Variants in SHLD3 observed in about 807,000 individuals in gnomAD.
The protein encoded by SHLD3 is shieldin complex subunit 3, also known as REV7-interacting novel NHEJ regulator 1.
A neutral mutation model predicts 21.4 loss-of-function variants in SHLD3; 15 were observed. The ratio of observed to expected loss-of-function variants is 0.70; its 90% CI spans 0.47 to 1.08. SHLD3 has a LOEUF of 1.08. Ranked by LOEUF, SHLD3 falls within the 50% of genes least tolerant of loss-of-function variation. The pLI, the probability that SHLD3 is intolerant of heterozygous loss-of-function variation, is 0.00. For missense variants in SHLD3, 273 were observed against 286.1 expected (o/e 0.95, Z 0.33); for synonymous variants, 103 against 97.2 (o/e 1.06, Z -0.35).
chr5:65,626,105 TAGACTAAAATGG>T (rs1755215082), intron 1 of SHLD3: 1 of 152,176 alleles, frequency 6.6e-6, no homozygotes, highest in Non-Finnish European at 1.5e-5. Flanking sequence ...GCAAATGATC[TAGACTAAAATGG>T]AGATTAAAAT....
Position 65,629,669 on chromosome 5 carries a change from C to T in SHLD3, c.82C>T (p.Gln28Ter), listed in dbSNP as rs1332092575. Reference protein sequence around the residue: ...QLPKIAEKAIQDFPTRPLSRF... With the variant: ...QLPKIAEKAI Reference sequence around the variant, plus strand: ...GCCAAAAATTGCAGAAAAAGCAATTCAAGACTTTCCTACTCGTCCGCTATC... The same window carrying T: ...GCCAAAAATTGCAGAAAAAGCAATTTAAGACTTTCCTACTCGTCCGCTATC... Residue 28 changes from glutamine (Q) to a stop codon, truncating the protein, a stop_gained, in exon 2 of 2, where the codon CAA (glutamine) becomes TAA (stop). Coordinates refer to ENST00000510585, the MANE Select transcript of SHLD3 (RefSeq NM_001365341.2). LOFTEE classifies it high-confidence loss of function. 1 of 1,535,996 alleles carries T rather than the reference C, an allele frequency of 6.5e-7. No individual in the cohort carries two copies.
intron 1 of SHLD3, 107 bp from the exon 2 acceptor site, chr5:65,629,361 T>C: frequency 1.3e-6 from 1 of 783,562 alleles, no homozygotes; most frequent in Non-Finnish European, 1.7e-6. Context: ...TTTGGTAAAA[T>C]ACCACATTGG....
In SHLD3 at chr5:65,629,494, A is replaced by G; in HGVS notation, c.-94A>G. The G allele has an allele frequency of 7.0e-7, 1 of 1,434,792 alleles. No homozygotes were observed. The highest frequency in any genetic ancestry group is 9.1e-7 in the Non-Finnish European group (1 of 1,099,394). 88.9% of individuals were successfully genotyped at this position (1,434,792 alleles called of 1,614,324 possible). ...TCCTGTTTCCCTCTGATTTGGCAAG[A>G]GAGACAATCTTGCAATAATAAATTA... On this transcript the variant is annotated 5_prime_UTR_variant, in exon 2 of 2. Coordinates refer to ENST00000510585, the MANE Select transcript of SHLD3 (RefSeq NM_001365341.2).
Position 65,629,804 on chromosome 5 carries a change from A to C in SHLD3, c.217A>C (p.Thr73Pro). ...EAAEDVKQYL[T>P]ISEHDAKSHS... ...AGCTGAAGATGTGAAACAGTACTTA[A>C]CCATTTCAGAACATGATGCTAAGTC... Residue 73 changes from threonine to proline, a missense_variant, in exon 2 of 2, where the codon ACC (threonine) becomes CCC (proline). By Grantham distance (38) the Thr-to-Pro change is conservative. Transcript: ENST00000510585. 1 of 1,536,114 alleles carries C rather than the reference A, an allele frequency of 6.5e-7. No individual in the cohort carries two copies. Among genetic ancestry groups the C allele is most frequent in the Non-Finnish European group, 8.7e-7 (1 of 1,146,880 alleles).
At chr5:65,628,940 C>T (rs1755390719) in intron 1 of SHLD3, among the ~76,000 whole-genome samples, 1 of 151,900 alleles carries the variant, frequency 6.6e-6, no homozygotes, top group South Asian at 2.1e-4. Flanking sequence ...GCCTCAGCTT[C>T]CCTAGTAGCT....
Position 65,630,120 on chromosome 5 carries a change from G to A in SHLD3, c.533G>A (p.Ser178Asn). The A allele has an allele frequency of 2.6e-6, 4 of 1,536,054 alleles. No homozygotes were observed. Among genetic ancestry groups the A allele is most frequent in the Non-Finnish European group, 3.5e-6 (4 of 1,146,870 alleles). Residue 178 changes from serine (S) to asparagine (N), a missense_variant, in exon 2 of 2, where the codon AGC (serine) becomes AAC (asparagine). Transcript: ENST00000510585. ...RWTIEHTICN[S>N]QTLEDIWTKL... ...ACAATAGAACACACTATTTGTAACA[G>A]CCAAACTCTGGAAGACATTTGGACA... is the stretch of plus-strand genomic sequence containing the variant.
intron 1 of SHLD3, 82 bp from the exon 2 acceptor site, chr5:65,629,386 T>C (rs1427710506): frequency 2.6e-6 from 3 of 1,151,766 alleles, no homozygotes; most frequent in Non-Finnish European, 3.3e-6. Context: ...GGTTTTTGTT[T>C]TTTGTTTTTC....
chr5:65,629,692 A>G lies in SHLD3; in HGVS notation c.105A>G (p.Leu35=). 5 of 1,536,082 alleles carry G rather than the reference A, an allele frequency of 3.3e-6. No homozygotes were observed. The highest frequency in any genetic ancestry group is 1.4e-5 in the African/African-American group (1 of 73,182). Residue 35 remains leucine, a synonymous_variant, in exon 2 of 2, where the codon CTA becomes CTG. Transcript: ENST00000510585. ...KAIQDFPTRP[L]SRFIPWFPYD... The stretch of plus-strand genomic sequence containing the variant: ...TTCAAGACTTTCCTACTCGTCCGCT[A>G]TCAAGATTTATACCTTGGTTTCCAT...
intron 1 of SHLD3, among the ~76,000 whole-genome samples, chr5:65,627,222 C>T (rs184575157): frequency 6.0e-5 from 9 of 149,822 alleles, no homozygotes; most frequent in East Asian, 2.0e-4. Context: ...CTTTATTAAA[C>T]CTCTTTAGTA....
chr5:65,628,703 C>A (rs1026737474), intron 1 of SHLD3, among the ~76,000 whole-genome samples: 1 of 152,100 alleles, frequency 6.6e-6, no homozygotes, highest in Admixed American at 6.5e-5. Flanking sequence ...AGCTCCTGAC[C>A]TCGTGATCTG....
chr5:65,629,459 C>T lies in SHLD3; in HGVS notation c.-120-9C>T, dbSNP rs1561760786. On this transcript the variant is annotated splice_polypyrimidine_tract_variant and intron_variant, in intron 1 of 1. Coordinates refer to ENST00000510585, the MANE Select transcript of SHLD3 (RefSeq NM_001365341.2). ...CCATATCTTATTCTTTGCAATACTT[C>T]TACTTTAGGTCCTGTTTCCCTCTGA... The T allele has an allele frequency of 1.4e-6, 2 of 1,414,452 alleles. No individual in the cohort carries two copies. The highest frequency in any genetic ancestry group is 2.9e-5 in the African/African-American group (2 of 69,444). The allele number at this position is 1,414,452 out of a possible 1,614,324, so 87.6% of individuals were successfully genotyped here.
At position 65,629,509 on chromosome 5, in the gene SHLD3, A is replaced by G. The variant is rs777637764; in HGVS notation, c.-79A>G. On this transcript the variant is annotated 5_prime_UTR_variant, in exon 2 of 2. Coordinates refer to ENST00000510585, the MANE Select transcript of SHLD3 (RefSeq NM_001365341.2). ...ATTTGGCAAGAGAGACAATCTTGCAATAATAAATTAACATTCTAGCTCTGA... is the reference window on the plus strand; with the variant it reads ...ATTTGGCAAGAGAGACAATCTTGCAGTAATAAATTAACATTCTAGCTCTGA... 2.4e-5 allele frequency: 34 copies of G among 1,439,766 alleles called. No homozygotes were observed. Among genetic ancestry groups the G allele is most frequent in the Non-Finnish European group, 3.0e-5 (33 of 1,102,228 alleles). 89.2% of individuals were successfully genotyped at this position (1,439,766 alleles called of 1,614,324 possible).
chr5:65,628,574 C>T (rs754764517), intron 1 of SHLD3, among the ~76,000 whole-genome samples: 59 of 151,684 alleles, frequency 3.9e-4, no homozygotes, highest in Non-Finnish European at 6.5e-4. Context: ...CGGGTTCAAG[C>T]GATTCTCCTC....
In SHLD3 at chr5:65,630,087, C is replaced by T. The variant is rs745945409; in HGVS notation, c.500C>T (p.Ala167Val). The T allele has an allele frequency of 1.3e-6, 2 of 1,535,916 alleles. No homozygotes were observed. The highest frequency in any genetic ancestry group is 2.7e-5 in the African/African-American group (2 of 73,028). ...KALNLHSLYR[A>V]RWTIEHTICN... is the part of the protein sequence containing the mutation. ...CTAAATTTACACTCACTTTATAGAG[C>T]AAGATGGACAATAGAACACACTATT... Residue 167 changes from alanine (A) to valine (V), a missense_variant, in exon 2 of 2, where the codon GCA becomes GTA. By Grantham distance (64) the Ala-to-Val change is moderately conservative (BLOSUM62 0). Coordinates refer to ENST00000510585, the MANE Select transcript of SHLD3 (RefSeq NM_001365341.2).
At chr5:65,625,167 G>A in intron 1 of SHLD3, 61 bp downstream of exon 1, 3 of 1,418,278 alleles carry the variant, frequency 2.1e-6, no homozygotes, top group Non-Finnish European at 3.0e-6. Context: ...ACTTATCGAA[G>A]CCTTTGCCAT....
At position 65,629,839 on chromosome 5, in the gene SHLD3, T is replaced by C. The variant is rs1215731168; in HGVS notation, c.252T>C (p.Tyr84=). ...AACATGATGCTAAGTCACACAGTTA[T>C]GATTGCACAGTAGATCTATTGGAGT... ...ISEHDAKSHS[Y]DCTVDLLEFQ... Residue 84 remains tyrosine (Y), a synonymous_variant, in exon 2 of 2, where the codon TAT becomes TAC. Transcript: ENST00000510585. 10 of 1,535,966 alleles carry C rather than the reference T, an allele frequency of 6.5e-6. No individual in the cohort carries two copies. Among genetic ancestry groups the C allele is most frequent in the Middle Eastern group, 1.7e-4 (1 of 6,010 alleles).
chr5:65,629,476 T>C lies in SHLD3; in HGVS notation c.-112T>C, dbSNP rs944329176. 7.0e-6 allele frequency: 10 copies of C among 1,428,724 alleles called. No homozygotes were observed. The highest frequency in any genetic ancestry group is 2.8e-5 in the Admixed American group (1 of 35,118). 88.5% of individuals were successfully genotyped at this position (1,428,724 alleles called of 1,614,324 possible). On this transcript the variant is annotated 5_prime_UTR_variant, in exon 2 of 2. Transcript: ENST00000510585. Reference sequence around the variant, plus strand: ...CAATACTTCTACTTTAGGTCCTGTTTCCCTCTGATTTGGCAAGAGAGACAA... The same window carrying C: ...CAATACTTCTACTTTAGGTCCTGTTCCCCTCTGATTTGGCAAGAGAGACAA...
Position 65,629,501 on chromosome 5 carries a change from A to G in SHLD3, c.-87A>G. The G allele has an allele frequency of 7.0e-7, 1 of 1,438,448 alleles. No homozygotes were observed. The highest frequency in any genetic ancestry group is 9.1e-7 in the Non-Finnish European group (1 of 1,101,300). 89.1% of individuals were successfully genotyped at this position (1,438,448 alleles called of 1,614,324 possible). A position where few individuals can be genotyped will look rare whatever the true frequency, so the allele number is the denominator to read the frequency against. ...TCCCTCTGATTTGGCAAGAGAGACA[A>G]TCTTGCAATAATAAATTAACATTCT... On this transcript the variant is annotated 5_prime_UTR_variant, in exon 2 of 2. Transcript: ENST00000510585.
At chr5:65,628,856 C>T (rs1466008341) in intron 1 of SHLD3, among the ~76,000 whole-genome samples, 1 of 151,134 alleles carries the variant, frequency 6.6e-6, no homozygotes, top group Non-Finnish European at 1.5e-5. Context: ...TGAAGTCTTG[C>T]TCTATCGCCC....
Sources: gnomAD v4.1 joint callset for allele counts (sites outside exome capture counted in the v4.1 genomes callset) on GRCh38, gnomAD v4.1.1 for gene constraint, MANE v1.5 for transcripts, NCBI Gene and HGNC (gene_info 2026-07-23, HGNC 2026-07-21) for gene names.